The following NRXN3 variants were observed in gnomAD, a reference collection of about 807,000 sequenced individuals.
The protein encoded by NRXN3 is neurexin 3.
NRXN3 carries 32 observed loss-of-function variants against 137.6 expected under a neutral mutation model. The observed-to-expected ratio is 0.23, with a 90% confidence interval of 0.18 to 0.31. NRXN3 has a LOEUF of 0.31. Ranked by LOEUF, NRXN3 falls within the 10% of genes least tolerant of loss-of-function variation. The probability of loss-of-function intolerance (pLI) is 1.00; values close to 1 mark genes in which losing one functional copy is unlikely to be tolerated. For synonymous variants in NRXN3, 798 were observed against 784.5 expected (o/e 1.02, Z -0.29); for missense variants, 1,574 against 2,062.5 (o/e 0.76, Z 4.59).
intron 16 of NRXN3, among the ~76,000 whole-genome samples, chr14:79,634,636 G>A (rs1387964670): frequency 6.6e-6 from 1 of 152,106 alleles, no homozygotes; most frequent in Non-Finnish European, 1.5e-5. Context: ...TAAGGGACAT[G>A]TCTGCAGTAT....
intron 4 of NRXN3, among the ~76,000 whole-genome samples, chr14:78,438,698 A>G (rs993652640): frequency 1.3e-5 from 2 of 152,212 alleles, no homozygotes; most frequent in African/African-American, 4.8e-5. Context: ...GAAGGTCACC[A>G]AAGCCTAGCC....
intron 15 of NRXN3, among the ~76,000 whole-genome samples, chr14:79,068,445 G>A (rs748548985): frequency 3.3e-5 from 5 of 152,056 alleles, no homozygotes; most frequent in South Asian, 4.2e-4. Context: ...TTTCTAAGTC[G>A]CCTACTTAAT....
chr14:78,566,348 T>C (rs2096835467), intron 4 of NRXN3, among the ~76,000 whole-genome samples: 1 of 151,726 alleles, frequency 6.6e-6, no homozygotes, highest in Admixed American at 6.6e-5. Context: ...ATATCTGCTA[T>C]GGAAGCAGAA....
At chr14:78,434,960 G>A (rs1443067702) in intron 4 of NRXN3, among the ~76,000 whole-genome samples, 2 of 152,204 alleles carry the variant, frequency 1.3e-5, no homozygotes, top group African/African-American at 2.4e-5. Flanking sequence ...CTGACAGAGA[G>A]GGGCTTGCAG....
chr14:78,601,162 A>C (rs2097198448), intron 4 of NRXN3, among the ~76,000 whole-genome samples: 1 of 152,160 alleles, frequency 6.6e-6, no homozygotes, highest in African/African-American at 2.4e-5. Context: ...TGAAATCTGC[A>C]TTCTTGTGGA....
intron 19 of NRXN3, among the ~76,000 whole-genome samples, chr14:79,790,390 C>T (rs1176367374): frequency 6.6e-6 from 1 of 152,062 alleles, no homozygotes; most frequent in Non-Finnish European, 1.5e-5. Flanking sequence ...GGAGCCTCAA[C>T]CTCCCATGCT....
intron 15 of NRXN3, among the ~76,000 whole-genome samples, chr14:79,104,823 G>A (rs1298196911): frequency 2.2e-5 from 3 of 133,864 alleles, no homozygotes; most frequent in Non-Finnish European, 5.0e-5. Flanking sequence ...CTTATGATAG[G>A]GCTTTTTTTT....
chr14:78,673,872 G>C lies in NRXN3; in HGVS notation c.1221+22546G>C, dbSNP rs150161798. On this transcript the variant is annotated intron_variant, in intron 6 of 20. Coordinates refer to ENST00000335750, the MANE Select transcript of NRXN3 (RefSeq NM_001330195.2). ...GAACATTCAGTCCATGGCACCTTCCGTAGGAAGTCTTGTCATGGCCCAATC... is the reference window on the plus strand; with the variant it reads ...GAACATTCAGTCCATGGCACCTTCCCTAGGAAGTCTTGTCATGGCCCAATC... Among the ~76,000 whole-genome samples the C allele has an allele frequency of 2.1e-4, 32 of 152,314 alleles. 1 individual carries two copies. In the East Asian group the frequency reaches 6.0e-3, roughly 28 times the overall value.
intron 16 of NRXN3, among the ~76,000 whole-genome samples, chr14:79,470,424 G>A (rs2153619208): frequency 6.6e-6 from 1 of 152,216 alleles, no homozygotes. Flanking sequence ...CAGGAGGGGA[G>A]GAACCCCATG....
At chr14:79,507,021 T>A (rs959519259) in intron 16 of NRXN3, among the ~76,000 whole-genome samples, 4 of 152,142 alleles carry the variant, frequency 2.6e-5, no homozygotes, top group Non-Finnish European at 4.4e-5. Flanking sequence ...ATATTAAAGG[T>A]TCAGGGCATC....
intron 8 of NRXN3, among the ~76,000 whole-genome samples, chr14:78,740,645 A>T (rs1464280818): frequency 6.6e-6 from 1 of 151,194 alleles, no homozygotes; most frequent in Non-Finnish European, 1.5e-5. Flanking sequence ...GTTAACACCT[A>T]GTGTTCTTCT....
chr14:78,565,606 A>C (rs2096829020), intron 4 of NRXN3, among the ~76,000 whole-genome samples: 1 of 152,228 alleles, frequency 6.6e-6, no homozygotes, highest in Non-Finnish European at 1.5e-5. Context: ...TGGATTTAAT[A>C]ATGGCTGTCT....
chr14:78,916,263 T>C (rs925285003), intron 10 of NRXN3, among the ~76,000 whole-genome samples: 1 of 152,210 alleles, frequency 6.6e-6, no homozygotes, highest in African/African-American at 2.4e-5. Flanking sequence ...CCTGTTTTCC[T>C]GCATAAAGGG....
At chr14:79,503,494 T>C (rs1483893483) in intron 16 of NRXN3, among the ~76,000 whole-genome samples, 1 of 152,218 alleles carries the variant, frequency 6.6e-6, no homozygotes, top group Non-Finnish European at 1.5e-5. Context: ...TGCTGTTCCT[T>C]GGCCAGAAAT....
At chr14:78,999,715 A>G (rs1419880027) in intron 15 of NRXN3, among the ~76,000 whole-genome samples, 1 of 152,134 alleles carries the variant, frequency 6.6e-6, no homozygotes, top group Non-Finnish European at 1.5e-5. Context: ...TCATACATAC[A>G]TCTATATAAA....
intron 10 of NRXN3, among the ~76,000 whole-genome samples, chr14:78,889,146 G>A (rs754330153): frequency 3.3e-5 from 5 of 151,866 alleles, no homozygotes; most frequent in Admixed American, 6.6e-5. Context: ...GTCACTTTTA[G>A]AATCCGATTT....
At chr14:78,736,110 A>G (rs879698225) in intron 8 of NRXN3, among the ~76,000 whole-genome samples, 12 of 149,724 alleles carry the variant, frequency 8.0e-5, no homozygotes, top group Non-Finnish European at 1.0e-4. Flanking sequence ...ACACATAGAT[A>G]TTTACTACAC....
At chr14:78,894,859 A>C (rs1042625744) in intron 10 of NRXN3, among the ~76,000 whole-genome samples, 1 of 150,356 alleles carries the variant, frequency 6.7e-6, no homozygotes, top group Non-Finnish European at 1.5e-5. Flanking sequence ...GACTAGGTGC[A>C]TTGTCAATGA....
At chr14:78,826,450 T>C (rs1309282526) in intron 10 of NRXN3, among the ~76,000 whole-genome samples, 1 of 152,178 alleles carries the variant, frequency 6.6e-6, no homozygotes, top group Non-Finnish European at 1.5e-5. Flanking sequence ...CATTGTGCCA[T>C]TGAACTTGAA....
Sources: allele counts gnomAD v4.1 joint callset (sites outside exome capture counted in the v4.1 genomes callset), GRCh38; gene constraint gnomAD v4.1.1; transcripts MANE v1.5; gene names NCBI Gene and HGNC (gene_info 2026-07-23, HGNC 2026-07-21).